The following FAM228B variants were observed in gnomAD, a reference collection of about 807,000 sequenced individuals.
FAM228B encodes family with sequence similarity 228 member B.
In FAM228B, 38 loss-of-function variants were observed where a neutral mutation model predicts 42.6. The observed-to-expected ratio is 0.89, with a 90% CI of 0.69 to 1.17. The LOEUF (loss-of-function observed/expected upper bound fraction) is 1.17, where lower values mean the gene tolerates loss of function less well. Ranked by LOEUF, FAM228B falls within the 50% of genes most tolerant of loss-of-function variation. The pLI is 0.00. For missense variants in FAM228B, 344 were observed against 367.3 expected (o/e 0.94, Z 0.52); for synonymous variants, 109 against 122.3 (o/e 0.89, Z 0.72).
chr2:24,137,803 G>T, intron 3 of FAM228B, 106 bp from the exon 4 acceptor site: 1 of 698,052 alleles, frequency 1.4e-6, no homozygotes, highest in Non-Finnish European at 2.4e-6. Flanking sequence ...GTCTCTGTGG[G>T]TTATTCTTAG....
chr2:24,103,323 G>A (rs778550067), intron 3 of FAM228B, among the ~76,000 whole-genome samples: 5 of 152,192 alleles, frequency 3.3e-5, no homozygotes, highest in East Asian at 1.9e-4. Flanking sequence ...AGGAAAGTAC[G>A]TATGGAAGTT....
At chr2:24,112,024 A>G (rs1665804724) in intron 3 of FAM228B, among the ~76,000 whole-genome samples, 1 of 152,236 alleles carries the variant, frequency 6.6e-6, no homozygotes, top group Non-Finnish European at 1.5e-5. Context: ...GAATTATGTA[A>G]AAGTTCTAAA....
chr2:24,158,795 G>A (rs1284693028), intron 7 of FAM228B, among the ~76,000 whole-genome samples: 2 of 152,164 alleles, frequency 1.3e-5, no homozygotes, highest in East Asian at 1.9e-4. Flanking sequence ...AGAGGAGCTC[G>A]AAGTTTTGAG....
intron 3 of FAM228B, among the ~76,000 whole-genome samples, chr2:24,112,210 A>C (rs1351678540): frequency 6.6e-6 from 1 of 152,002 alleles, no homozygotes; most frequent in Non-Finnish European, 1.5e-5. Context: ...TCTATGCATT[A>C]AGGCTAGGTA....
In FAM228B at chr2:24,146,946, A is replaced by G. The variant is rs2151023658; in HGVS notation, c.546A>G (p.Ile182Met). 6.4e-7 allele frequency: 1 copy of G among 1,551,256 alleles called. No homozygotes were observed. The highest frequency in any genetic ancestry group is 8.7e-7 in the Non-Finnish European group (1 of 1,146,690). The change falls in exon 7 of 11, where the codon ATA becomes ATG. Residue 182 changes from isoleucine (I) to methionine (M), a missense_variant. By Grantham distance (10) the Ile-to-Met change is conservative (BLOSUM62 1). Transcript: ENST00000615575. Reference sequence around the variant, plus strand: ...TTCCTTCAGGCAAAATATATTCAATAAAGGAATTCAAAGAAGTTGAGAAGG... The same window carrying G: ...TTCCTTCAGGCAAAATATATTCAATGAAGGAATTCAAAGAAGTTGAGAAGG... Reference protein sequence around the residue: ...LQCETGKIYSIKEFKEVEKVQ... With the variant: ...LQCETGKIYSMKEFKEVEKVQ...
chr2:24,160,525 A>C (rs987368463), intron 7 of FAM228B, among the ~76,000 whole-genome samples: 1 of 151,704 alleles, frequency 6.6e-6, no homozygotes. Context: ...TCCTCTTTGT[A>C]TATATTTTCC....
At chr2:24,131,079 AG>A (rs1666442049) in intron 2 of FAM228B, among the ~76,000 whole-genome samples, 1 of 152,122 alleles carries the variant, frequency 6.6e-6, no homozygotes, top group Admixed American at 6.6e-5. Flanking sequence ...TCTTTATTAA[AG>A]GGGAATCTTT....
chr2:24,155,589 G>GC (rs1667123869), intron 7 of FAM228B, among the ~76,000 whole-genome samples: 2 of 121,268 alleles, frequency 1.6e-5, no homozygotes, highest in African/African-American at 6.6e-5. Flanking sequence ...TGCTCAGGTT[G>GC]GATTGCAGTG....
upstream of FAM228B, chr2:24,119,615 A>G (rs1479641800): frequency 3.1e-6 from 5 of 1,613,868 alleles, no homozygotes; most frequent in Non-Finnish European, 4.2e-6. Flanking sequence ...GCTAGGATAC[A>G]TGCCCTCAGT....
chr2:24,089,426 A>G (rs570095114), intron 2 of FAM228B, among the ~76,000 whole-genome samples: 1 of 152,342 alleles, frequency 6.6e-6, no homozygotes, highest in East Asian at 1.9e-4. Flanking sequence ...ATCTAGAAAA[A>G]AAAAGGAAGA....
chr2:24,129,398 AT>A, intron 2 of FAM228B, among the ~76,000 whole-genome samples: 2 of 150,724 alleles, frequency 1.3e-5, no homozygotes, highest in Non-Finnish European at 3.0e-5. Flanking sequence ...TCATCCAGAC[AT>A]TATTTTTTCA....
At chr2:24,098,354 T>G (rs1451797664) in intron 3 of FAM228B, among the ~76,000 whole-genome samples, 2 of 152,124 alleles carry the variant, frequency 1.3e-5, no homozygotes, top group African/African-American at 4.8e-5. Context: ...AGCTGGTTTT[T>G]TGAAAAGATC....
At chr2:24,079,668 T>C (rs1664916656) in intron 1 of FAM228B, 6 of 1,606,616 alleles carry the variant, frequency 3.7e-6, no homozygotes, top group Non-Finnish European at 5.1e-6. Context: ...TTTGTGATGC[T>C]AGTCAGCTTG....
chr2:24,153,999 A>G (rs1284282521), intron 7 of FAM228B, among the ~76,000 whole-genome samples: 3 of 152,222 alleles, frequency 2.0e-5, no homozygotes, highest in Non-Finnish European at 2.9e-5. Context: ...CGAATTCAGC[A>G]TAAGTCCCCT....
At chr2:24,128,077 G>GT (rs1402824350) in intron 2 of FAM228B, among the ~76,000 whole-genome samples, 19 of 152,104 alleles carry the variant, frequency 1.2e-4, no homozygotes, top group Admixed American at 1.2e-3. Context: ...ATTTTCTTCA[G>GT]TTTTTCCCCC....
chr2:24,150,778 A>G (rs1044033167), intron 7 of FAM228B, among the ~76,000 whole-genome samples: 2 of 152,076 alleles, frequency 1.3e-5, no homozygotes, highest in Admixed American at 6.6e-5. Context: ...TAAGGTTTCC[A>G]CTGAAAAGTC....
upstream of FAM228B, chr2:24,119,452 C>T: frequency 4.4e-6 from 3 of 674,376 alleles, no homozygotes; most frequent in Non-Finnish European, 7.6e-6. Context: ...TGTAAATAAC[C>T]TCAGCATCCT....
chr2:24,169,480 GA>G lies in FAM228B; in HGVS notation c.*141del. The G allele has an allele frequency of 2.8e-6, 1 of 351,830 alleles. No homozygotes were observed. The highest frequency in any genetic ancestry group is 2.1e-5 in the South Asian group (1 of 46,712). The allele number at this position is 351,830 out of a possible 1,614,324, so 21.8% of individuals were successfully genotyped here. ...GGTGAAGGCCAAGGACGGCACTCAAGAATTGTCCTGTCTCTAAAAAAAAAGC... is the reference window on the plus strand; with the variant it reads ...GGTGAAGGCCAAGGACGGCACTCAAGATTGTCCTGTCTCTAAAAAAAAAGC... On this transcript the variant is annotated 3_prime_UTR_variant, in exon 11 of 11. Transcript: ENST00000615575. This position sits in a 1 kb window ranked among gnomAD's most constrained non-coding sequence, Gnocchi z 4.2.
intron 2 of FAM228B, among the ~76,000 whole-genome samples, chr2:24,082,219 C>A (rs1665037888): frequency 6.6e-6 from 1 of 152,188 alleles, no homozygotes; most frequent in Admixed American, 6.5e-5. Context: ...TGATCTTGAA[C>A]TCCTGGGCTC....
Sources: gnomAD v4.1 joint callset for allele counts (sites outside exome capture counted in the v4.1 genomes callset) on GRCh38, gnomAD v4.1.1 for gene constraint, Gnocchi (gnomAD v3.1) non-coding constraint, MANE v1.5 for transcripts, NCBI Gene and HGNC (gene_info 2026-07-23, HGNC 2026-07-21) for gene names.